EAF1: variants seen among roughly 807,000 people sequenced by gnomAD.
The protein encoded by EAF1 is ELL associated factor 1, also known as ELL-associated factor 1.
In EAF1, 19 loss-of-function variants were observed where a neutral mutation model predicts 26.6. That is an observed-to-expected ratio of 0.71 (90% CI 0.50 to 1.05). EAF1 has a LOEUF of 1.05. Ranked by LOEUF, EAF1 falls within the 50% of genes least tolerant of loss-of-function variation. EAF1 has a pLI of 0.00. For missense variants in EAF1, 260 were observed against 335.5 expected (o/e 0.78, Z 1.76); for synonymous variants, 102 against 120.6 (o/e 0.85, Z 1.01).
At chr3:15,437,869 T>C (rs1249661280) in intron 5 of EAF1, among the ~76,000 whole-genome samples, 1 of 151,866 alleles carries the variant, frequency 6.6e-6, no homozygotes, top group Non-Finnish European at 1.5e-5. Context: ...TTGTGGGAGG[T>C]TGTCCTGCAC....
At chr3:15,436,754 A>C in intron 5 of EAF1, 179 bp downstream of exon 5, 1 of 502,610 alleles carries the variant, frequency 2.0e-6, no homozygotes, top group South Asian at 5.1e-5. Flanking sequence ...GAGATGAAAA[A>C]TCTGTTCTTT....
At chr3:15,429,197 T>C (rs2061783752) in intron 1 of EAF1, among the ~76,000 whole-genome samples, 1 of 152,158 alleles carries the variant, frequency 6.6e-6, no homozygotes, top group Non-Finnish European at 1.5e-5. Context: ...CTACGAAGTG[T>C]CTTTGTTAAA....
intron 5 of EAF1, chr3:15,438,890 G>T: frequency 4.2e-6 from 2 of 474,902 alleles, no homozygotes; most frequent in Non-Finnish European, 7.5e-6. Flanking sequence ...CTTCTCCTTT[G>T]CTCTACCCTA....
Position 15,427,654 on chromosome 3 carries a change from CT to C in EAF1, c.-125del, listed in dbSNP as rs1255894454. On this transcript the variant is annotated 5_prime_UTR_variant, in exon 1 of 6. Transcript: ENST00000396842. ...GCTTCTGGACCCGGGTGGGTGCCGG[CT>C]CGGCTCTCCTTGTCTTCCAGAGCGG... 11 of 1,006,594 alleles carry C rather than the reference CT, an allele frequency of 1.1e-5. No homozygotes were observed. The highest frequency in any genetic ancestry group is 9.7e-5 in the African/African-American group (6 of 61,672). 62.4% of individuals were successfully genotyped at this position (1,006,594 alleles called of 1,614,324 possible).
chr3:15,437,368 G>C (rs1056551354), intron 5 of EAF1, among the ~76,000 whole-genome samples: 2 of 150,162 alleles, frequency 1.3e-5, no homozygotes, highest in African/African-American at 4.9e-5. Flanking sequence ...GCCCAGGCTG[G>C]TCTCAAACTC....
Position 15,432,080 on chromosome 3 carries a change from C to T in EAF1, c.199-7C>T. On this transcript the variant is annotated splice_polypyrimidine_tract_variant and splice_region_variant and intron_variant, in intron 2 of 5. Coordinates refer to ENST00000396842, the MANE Select transcript of EAF1 (RefSeq NM_033083.7). ...GTTTGATCATCTTATACTTTTGTGG[C>T]AAATAGGGATCCACACCACCCATGA... is the stretch of plus-strand genomic sequence containing the variant. 1.2e-6 allele frequency: 2 copies of T among 1,611,932 alleles called. No homozygotes were observed. The highest frequency in any genetic ancestry group is 1.1e-5 in the South Asian group (1 of 90,574).
At chr3:15,436,672 A>G (rs1157989921) in intron 5 of EAF1, 97 bp downstream of exon 5, 1 of 1,016,692 alleles carries the variant, frequency 9.8e-7, no homozygotes, top group East Asian at 2.5e-5. Flanking sequence ...TGTTTAAGGC[A>G]TGGGAGAGGA....
Position 15,429,958 on chromosome 3 carries a change from T to C in EAF1, c.149T>C (p.Leu50Pro). 2 of 1,613,472 alleles carry C rather than the reference T, an allele frequency of 1.2e-6. No individual in the cohort carries two copies. Among genetic ancestry groups the C allele is most frequent in the East Asian group, 2.2e-5 (1 of 44,830 alleles). The change falls in exon 2 of 6, where the codon CTT (leucine) becomes CCT (proline). Residue 50 changes from leucine to proline, a missense_variant. Physicochemically the swap from Leu to Pro is moderately conservative, Grantham distance 98. Coordinates refer to ENST00000396842, the MANE Select transcript of EAF1 (RefSeq NM_033083.7). ...ASIDTSCEGELQVGKGDEVTI... is the reference protein window; with the variant it reads ...ASIDTSCEGEPQVGKGDEVTI... ...ATAGACACTTCCTGTGAAGGAGAGC[T>C]TCAAGTTGGCAAAGGAGATGAAGTC...
chr3:15,432,611 AC>A (rs1031759024), intron 3 of EAF1, among the ~76,000 whole-genome samples: 1 of 152,202 alleles, frequency 6.6e-6, no homozygotes, highest in Non-Finnish European at 1.5e-5. Flanking sequence ...TTTACAAGAT[AC>A]ATTTGAGATT....
At chr3:15,436,223 CTTTGT>C in intron 4 of EAF1, 114 bp from the exon 5 acceptor site, 1 of 723,054 alleles carries the variant, frequency 1.4e-6, no homozygotes, top group South Asian at 3.1e-5. Context: ...AGAAGTAGGA[CTTTGT>C]TTTAAATTAT....
At chr3:15,436,597 T>A in intron 5 of EAF1, 22 bp downstream of exon 5, 1 of 1,542,360 alleles carries the variant, frequency 6.5e-7, no homozygotes. Context: ...CTCCTTTTTA[T>A]GGCTGAGAGA....
At position 15,432,143 on chromosome 3, in the gene EAF1, C is replaced by T. The variant is rs765397541; in HGVS notation, c.255C>T (p.Asp85=). The T allele has an allele frequency of 1.2e-6, 2 of 1,614,190 alleles. No homozygotes were observed. The highest frequency in any genetic ancestry group is 1.7e-6 in the Non-Finnish European group (2 of 1,180,012). The change falls in exon 3 of 6, where the codon GAC becomes GAT. Residue 85 remains aspartate (D), a synonymous_variant. Coordinates refer to ENST00000396842, the MANE Select transcript of EAF1 (RefSeq NM_033083.7). ...FKGNKRPYQK[D]CVLIINHDTG... ...GGAACAAACGGCCTTACCAGAAAGA[C>T]TGTGTGCTTATTATTAATCATGACA...
At position 15,432,143 on chromosome 3, in the gene EAF1, CTG is replaced by C. The variant is rs768797981; in HGVS notation, c.260_261del (p.Val87AlafsTer4). 4.3e-6 allele frequency: 7 copies of C among 1,614,072 alleles called. No homozygotes were observed. Among genetic ancestry groups the C allele is most frequent in the Middle Eastern group, 1.6e-4 (1 of 6,084 alleles). ...KGNKRPYQKD[C>X]VLIINHDTGE... is the part of the protein sequence containing the mutation. ...GGAACAAACGGCCTTACCAGAAAGA[CTG>C]TGTGCTTATTATTAATCATGACACT... On this transcript the variant is annotated frameshift_variant, in exon 3 of 6. Coordinates refer to ENST00000396842, the MANE Select transcript of EAF1 (RefSeq NM_033083.7). LOFTEE classifies it high-confidence loss of function.
rs371159528 is a variant in EAF1 at position 15,430,007 on chromosome 3, T to G, written c.198T>G (p.Pro66=). 88 of 1,576,374 alleles carry G rather than the reference T, an allele frequency of 5.6e-5. No homozygotes were observed. The Middle Eastern group carries it at 8.4e-4, about 15-fold the overall frequency. The change falls in exon 2 of 6, where the codon CCT becomes CCG. Residue 66 remains proline (P), a splice_region_variant and synonymous_variant. Transcript: ENST00000396842. ...TCACAATTACACTGCCACATATCCC[T>G]GTGAGTTTATTTCATTTTTTTTTTT... ...DEVTITLPHI[P]GSTPPMTVFK...
At position 15,436,400 on chromosome 3, in the gene EAF1, T is replaced by A. The variant is rs1339297084; in HGVS notation, c.585T>A (p.Ser195=). ...TGAGCAGCAGCAGTGGGAGCAGCTC[T>A]TCAGACTCTGAGAGCTCTTCGGGAA... ...EQMSSSSGSS[S]SDSESSSGSD... is the part of the protein sequence containing the mutation. Residue 195 remains serine, a synonymous_variant, in exon 5 of 6, where the codon TCT becomes TCA. Transcript: ENST00000396842. The A allele has an allele frequency of 2.5e-6, 4 of 1,613,886 alleles. No individual in the cohort carries two copies. The highest frequency in any genetic ancestry group is 3.4e-6 in the Non-Finnish European group (4 of 1,179,788).
intron 4 of EAF1, among the ~76,000 whole-genome samples, chr3:15,435,633 G>A (rs73144120): frequency 0.1 from 15,639 of 152,144 alleles, 837 homozygotes; most frequent in East Asian, 0.19. Flanking sequence ...AAAATCTGGC[G>A]CCTTTCTTGA....
chr3:15,435,090 GA>G (rs1375494099), intron 4 of EAF1, among the ~76,000 whole-genome samples: 27 of 151,900 alleles, frequency 1.8e-4, no homozygotes, highest in East Asian at 9.7e-4. Context: ...TTTTTGGGGG[GA>G]AAAAAAGGAT....
chr3:15,434,425 C>T lies in EAF1; in HGVS notation c.413C>T (p.Pro138Leu). Residue 138 changes from proline to leucine, a missense_variant, in exon 4 of 6, where the codon CCA (proline) becomes CTA (leucine). Pro to Leu is a moderately conservative substitution (Grantham distance 98). Coordinates refer to ENST00000396842, the MANE Select transcript of EAF1 (RefSeq NM_033083.7). ...TRPPQTSQPP[P>L]PPPPMPFRAP... ...CCTCCACAGACGTCACAGCCACCAC[C>T]ACCTCCACCACCTATGCCATTCAGA... 1 of 1,614,218 alleles carries T rather than the reference C, an allele frequency of 6.2e-7. No homozygotes were observed. The highest frequency in any genetic ancestry group is 8.5e-7 in the Non-Finnish European group (1 of 1,180,040).
rs1432398377 is a variant in EAF1, at chr3:15,441,491, T to A, written c.*2336T>A. ...GTGCCCTGTGTGTACATACTGACCT[T>A]TTTTTTTTTTTTTTTTTTTTGCTTG... On this transcript the variant is annotated 3_prime_UTR_variant, in exon 6 of 6. Coordinates refer to ENST00000396842, the MANE Select transcript of EAF1 (RefSeq NM_033083.7). 2.2e-5 allele frequency: 1 copy of A among 44,986 alleles called. No homozygotes were observed. Among genetic ancestry groups the A allele is most frequent in the Non-Finnish European group, 4.0e-5 (1 of 24,758 alleles). The allele number at this position is 44,986 out of a possible 1,614,324, so 2.8% of individuals were successfully genotyped here.
Sources: allele counts gnomAD v4.1 joint callset (sites outside exome capture counted in the v4.1 genomes callset), GRCh38; gene constraint gnomAD v4.1.1; transcripts MANE v1.5; gene names NCBI Gene and HGNC (gene_info 2026-07-23, HGNC 2026-07-21).